Variants in CALN1 observed in about 807,000 individuals in gnomAD.
CALN1 encodes calneuron 1.
CALN1 carries 17 observed loss-of-function variants against 30.6 expected under a neutral mutation model. The ratio of observed to expected loss-of-function variants is 0.56; its 90% confidence interval spans 0.38 to 0.83. The LOEUF (loss-of-function observed/expected upper bound fraction) is 0.83. CALN1 is among the 40% of genes least tolerant of loss of function. The pLI is 0.00. For missense variants in CALN1, 291 were observed against 354.9 expected (o/e 0.82, Z 1.45); for synonymous variants, 156 against 131.4 (o/e 1.19, Z -1.28).
chr7:72,105,034 GAA>G (rs112842604), intron 4 of CALN1, among the ~76,000 whole-genome samples: 3 of 144,112 alleles, frequency 2.1e-5, no homozygotes, highest in African/African-American at 2.5e-5. Flanking sequence ...GACCTGTCAT[GAA>G]AAAAAAAAAA....
the CALN1 span, among the ~76,000 whole-genome samples, chr7:72,470,210 G>C: frequency 6.6e-6 from 1 of 152,216 alleles, no homozygotes; most frequent in Non-Finnish European, 1.5e-5. Flanking sequence ...TGTGGAAAAT[G>C]GGTTATTGTG....
At chr7:72,313,440 G>T (rs568322676) in intron 2 of CALN1, among the ~76,000 whole-genome samples, 8 of 152,148 alleles carry the variant, frequency 5.3e-5, no homozygotes, top group African/African-American at 7.2e-5. Flanking sequence ...CACCCAGGCT[G>T]AAGTGGAGTG....
intron 5 of CALN1, among the ~76,000 whole-genome samples, chr7:71,813,254 AG>A (rs1490706708): frequency 6.6e-6 from 1 of 152,172 alleles, no homozygotes; most frequent in African/African-American, 2.4e-5. Flanking sequence ...CATGTTGGCC[AG>A]GCTGGTTTCG....
intron 4 of CALN1, among the ~76,000 whole-genome samples, chr7:72,049,842 C>T (rs1802723372): frequency 7.0e-6 from 1 of 143,418 alleles, no homozygotes; most frequent in Non-Finnish European, 1.5e-5. Context: ...TGCAGTCTCA[C>T]TCTGTCACCC....
At chr7:71,980,159 G>A (rs1253086633) in intron 5 of CALN1, among the ~76,000 whole-genome samples, 1 of 145,346 alleles carries the variant, frequency 6.9e-6, no homozygotes, top group Non-Finnish European at 1.5e-5. Flanking sequence ...TTACGGGCGT[G>A]AGCCACCATG....
the CALN1 span, among the ~76,000 whole-genome samples, chr7:72,500,266 CTTCTTTTTTTT>C: frequency 1.3e-5 from 1 of 76,802 alleles, no homozygotes; most frequent in Non-Finnish European, 2.5e-5. Context: ...CTGTTCGTTC[CTTCTTTTTTTT>C]TTTTTTTTTT....
chr7:72,078,650 G>A (rs1467934708), intron 4 of CALN1, among the ~76,000 whole-genome samples: 1 of 152,084 alleles, frequency 6.6e-6, no homozygotes, highest in Non-Finnish European at 1.5e-5. Context: ...CTGTCAGGGA[G>A]GGTCGGGCGC....
At position 71,872,815 on chromosome 7, in the gene CALN1, T is replaced by C. The variant is rs1184261587; in HGVS notation, c.502-62323A>G. 2.0e-5 allele frequency among the ~76,000 whole-genome samples: 3 copies of C among 151,186 alleles called. No individual in the cohort carries two copies. The East Asian group carries it at 5.9e-4, about 30-fold the overall frequency. ...TTTTAGTAGAGACAGGGTTTCACCA[T>C]GTTGGCCAGGCTGACCTCGAACTCT... On this transcript the variant is annotated intron_variant, in intron 5 of 6. Coordinates refer to ENST00000395275, the MANE Select transcript of CALN1 (RefSeq NM_031468.4).
chr7:72,049,637 A>G (rs950002168), intron 4 of CALN1, among the ~76,000 whole-genome samples: 5 of 151,802 alleles, frequency 3.3e-5, no homozygotes, highest in African/African-American at 9.7e-5. Context: ...CCTCCTGAGT[A>G]GCTGGGATTA....
chr7:71,927,484 A>G (rs1184872595), intron 5 of CALN1, among the ~76,000 whole-genome samples: 1 of 152,188 alleles, frequency 6.6e-6, no homozygotes, highest in Admixed American at 6.5e-5. Context: ...TGCTGGGATT[A>G]CAAGCATGAG....
chr7:72,151,584 T>C (rs1350678776), intron 3 of CALN1, among the ~76,000 whole-genome samples: 1 of 152,136 alleles, frequency 6.6e-6, no homozygotes, highest in Admixed American at 6.5e-5. Context: ...GCCTCCCACT[T>C]GGGGGACCCT....
At chr7:72,045,097 G>A (rs374663921) in intron 4 of CALN1, among the ~76,000 whole-genome samples, 9 of 152,320 alleles carry the variant, frequency 5.9e-5, no homozygotes, top group African/African-American at 9.6e-5. Flanking sequence ...AAGTCACAGC[G>A]GTCCTAGAAG....
chr7:72,144,321 C>T (rs1175302826), intron 3 of CALN1, among the ~76,000 whole-genome samples: 1 of 152,036 alleles, frequency 6.6e-6, no homozygotes, highest in African/African-American at 2.4e-5. Context: ...GCAGGGGTTG[C>T]AATCCTAGTC....
intron 5 of CALN1, among the ~76,000 whole-genome samples, chr7:71,932,553 C>T (rs1421918754): frequency 1.3e-5 from 2 of 152,090 alleles, no homozygotes; most frequent in East Asian, 1.9e-4. Context: ...GTGGCTCACG[C>T]CTGTAATCCC....
At chr7:72,225,101 CA>C (rs201277766) in intron 3 of CALN1, among the ~76,000 whole-genome samples, 147 of 137,832 alleles carry the variant, frequency 1.1e-3, no homozygotes, top group Middle Eastern at 3.8e-3. Flanking sequence ...GACTCCATCT[CA>C]AAAAAAAAAA....
intron 2 of CALN1, among the ~76,000 whole-genome samples, chr7:72,308,866 G>GGCAT (rs1799846835): frequency 6.6e-6 from 1 of 152,146 alleles, no homozygotes; most frequent in Non-Finnish European, 1.5e-5. Flanking sequence ...ATTCCCATCT[G>GGCAT]GCATGTATGC....
intron 3 of CALN1, among the ~76,000 whole-genome samples, chr7:72,236,257 G>C (rs1214390440): frequency 6.6e-6 from 1 of 152,100 alleles, no homozygotes; most frequent in Non-Finnish European, 1.5e-5. Context: ...TTAAGGTTGG[G>C]TATTATCATT....
chr7:71,972,561 T>C (rs926419287), intron 5 of CALN1, among the ~76,000 whole-genome samples: 9 of 152,168 alleles, frequency 5.9e-5, no homozygotes, highest in African/African-American at 1.9e-4. Flanking sequence ...CTCTTTTCCT[T>C]TGGTATTTTG....
chr7:72,405,243 G>A (rs1277933791), intron 1 of CALN1, among the ~76,000 whole-genome samples: 9 of 152,206 alleles, frequency 5.9e-5, no homozygotes, highest in Non-Finnish European at 1.3e-4. Context: ...AACAGCACAT[G>A]TGCAACGCAC....
Sources: allele counts gnomAD v4.1 joint callset (sites outside exome capture counted in the v4.1 genomes callset), GRCh38; gene constraint gnomAD v4.1.1; transcripts MANE v1.5; gene names NCBI Gene and HGNC (gene_info 2026-07-23, HGNC 2026-07-21).